Variants in USP39 observed in about 807,000 individuals in gnomAD.
The protein encoded by USP39 is ubiquitin specific peptidase 39.
USP39 carries 38 observed loss-of-function variants against 66.4 expected under a neutral mutation model. The ratio of observed to expected loss-of-function variants is 0.57; its 90% CI spans 0.44 to 0.75. The LOEUF is 0.75. Among genes scored for constraint, USP39 ranks in the 30% least tolerant of loss-of-function variants. The probability of loss-of-function intolerance (pLI) is 0.00; values close to 1 mark genes in which losing one functional copy is unlikely to be tolerated. For synonymous variants in USP39, 303 were observed against 274.6 expected (o/e 1.10, Z -1.02); for missense variants, 608 against 714.4 (o/e 0.85, Z 1.70).
intron 9 of USP39, 166 bp downstream of exon 9, chr2:85,639,557 C>A: frequency 3.3e-6 from 2 of 601,828 alleles, no homozygotes; most frequent in Non-Finnish European, 5.4e-6. Context: ...CAGTTTCAAG[C>A]GATTCTCCTG....
upstream of USP39, chr2:85,611,129 A>C: frequency 4.9e-6 from 2 of 409,366 alleles, no homozygotes; most frequent in Non-Finnish European, 7.0e-6. Flanking sequence ...GGTCCCAGGT[A>C]CTCGGGAGGC....
chr2:85,640,833 C>G (rs1676178347), intron 9 of USP39, 143 bp from the exon 10 acceptor site: 1 of 366,762 alleles, frequency 2.7e-6, no homozygotes, highest in South Asian at 2.5e-5. Flanking sequence ...AAGCCTCATA[C>G]ATAATTTCTC....
At chr2:85,609,385 A>G, upstream of USP39, 1 of 1,596,072 alleles carries the variant, frequency 6.3e-7, no homozygotes, top group Non-Finnish European at 8.5e-7. Context: ...GACAATGATT[A>G]CTACCATGGC....
In USP39 at chr2:85,639,077, A is replaced by G. The variant is rs571423262; in HGVS notation, c.1096-126A>G. Reference sequence around the variant, plus strand: ...CAGGTGGTGCATGCCAAACTGCCCAATCTCTCGGGCACTTCTCTTTGTTCT... The same window carrying G: ...CAGGTGGTGCATGCCAAACTGCCCAGTCTCTCGGGCACTTCTCTTTGTTCT... On this transcript the variant is annotated intron_variant, in intron 8 of 12. Transcript: ENST00000323701. 6.0e-4 allele frequency: 581 copies of G among 963,662 alleles called. 1 individual carries two copies. Among genetic ancestry groups the G allele is most frequent in the Non-Finnish European group, 7.9e-4 (534 of 673,036 alleles). 59.7% of individuals were successfully genotyped at this position (963,662 alleles called of 1,614,324 possible).
At chr2:85,646,142 G>A (rs1024751603) in intron 11 of USP39, 3 of 152,220 alleles carry the variant, frequency 2.0e-5, no homozygotes, top group African/African-American at 4.8e-5. Flanking sequence ...CCTCTGATTT[G>A]TAAGAAATTA....
Position 85,616,396 on chromosome 2 carries a change from C to A in USP39, c.201C>A (p.Val67=). The A allele has an allele frequency of 6.2e-7, 1 of 1,603,722 alleles. No homozygotes were observed. Among genetic ancestry groups the A allele is most frequent in the Non-Finnish European group, 8.5e-7 (1 of 1,175,124 alleles). Residue 67 remains valine, a synonymous_variant, in exon 1 of 13, where the codon GTC becomes GTA. Transcript: ENST00000323701. ...CGCGCGAGGCCCCGGCTTCTGTTGTCCCGTTTGTGCGGGTGAAGCGGGAGC... is the reference window on the plus strand; with the variant it reads ...CGCGCGAGGCCCCGGCTTCTGTTGTACCGTTTGTGCGGGTGAAGCGGGAGC... The part of the protein sequence containing the change: ...ASAREAPASV[V]PFVRVKRERE...
intron 4 of USP39, among the ~76,000 whole-genome samples, chr2:85,624,910 C>T (rs963160644): frequency 2.0e-5 from 3 of 150,996 alleles, no homozygotes; most frequent in Admixed American, 1.3e-4. Flanking sequence ...TTGCAGTGAG[C>T]CAAGATCATG....
chr2:85,639,053 A>G (rs1191876860), intron 8 of USP39, 150 bp from the exon 9 acceptor site: 11 of 686,556 alleles, frequency 1.6e-5, no homozygotes, highest in Non-Finnish European at 2.3e-5. Context: ...TAATCTAACC[A>G]GGTGGTGCAT....
chr2:85,648,820 A>G lies in USP39; in HGVS notation c.*12A>G. 1.9e-6 allele frequency: 3 copies of G among 1,614,092 alleles called. No homozygotes were observed. The highest frequency in any genetic ancestry group is 1.1e-5 in the South Asian group (1 of 91,082). ...AGCAGGGGGCTTGAAGGAGGCGTCT[A>G]GGGCTTTGCTCCCAAGGGCTGTGGC... On this transcript the variant is annotated 3_prime_UTR_variant, in exon 13 of 13. Coordinates refer to ENST00000323701, the MANE Select transcript of USP39 (RefSeq NM_006590.4).
At chr2:85,607,752 T>C (rs931285408), upstream of USP39, 11 of 152,224 alleles carry the variant, frequency 7.2e-5, no homozygotes, top group Admixed American at 1.3e-4. Context: ...AAGCCATATT[T>C]CAAGGCACTG....
intron 2 of USP39, 22 bp downstream of exon 2, chr2:85,619,311 A>G (rs1476244112): frequency 3.1e-6 from 5 of 1,609,886 alleles, no homozygotes; most frequent in Non-Finnish European, 4.2e-6. Flanking sequence ...AGAGATGCTG[A>G]GTATAGCACA....
chr2:85,621,153 C>T (rs935199374), intron 2 of USP39: 9 of 185,780 alleles, frequency 4.8e-5, no homozygotes, highest in Non-Finnish European at 9.0e-5. Context: ...TCTCCACCTC[C>T]AGAATGCTGC....
intron 11 of USP39, among the ~76,000 whole-genome samples, chr2:85,646,520 G>C (rs1676657419): frequency 6.6e-6 from 1 of 152,196 alleles, no homozygotes; most frequent in African/African-American, 2.4e-5. Context: ...ATTTGACCCA[G>C]GTACTCTGCT....
At chr2:85,631,305 C>T (rs970140000) in intron 6 of USP39, among the ~76,000 whole-genome samples, 12 of 148,628 alleles carry the variant, frequency 8.1e-5, no homozygotes, top group East Asian at 4.0e-4. Flanking sequence ...TGAGCCACTG[C>T]GCCCGGCCTT....
intron 6 of USP39, among the ~76,000 whole-genome samples, chr2:85,635,096 C>T (rs1163239659): frequency 6.6e-6 from 1 of 152,118 alleles, no homozygotes; most frequent in African/African-American, 2.4e-5. Context: ...TAGTTTGTTA[C>T]ATAAGAGCAT....
chr2:85,611,836 G>A (rs1673559252), upstream of USP39: 1 of 1,603,698 alleles, frequency 6.2e-7, no homozygotes, highest in Non-Finnish European at 8.5e-7. Flanking sequence ...GGCCAGGCCA[G>A]GCCAGGAGTG....
chr2:85,647,675 A>C (rs1233637595), intron 11 of USP39, among the ~76,000 whole-genome samples: 1 of 151,312 alleles, frequency 6.6e-6, no homozygotes, highest in Admixed American at 6.6e-5. Context: ...AAAAAAAAAC[A>C]AAAAAACAAC....
intron 1 of USP39, chr2:85,606,685 G>A (rs899902107): frequency 6.6e-6 from 1 of 152,054 alleles, no homozygotes; most frequent in South Asian, 2.1e-4. Context: ...ATAGCAAGGA[G>A]TTTCCATCAG....
chr2:85,632,754 T>C (rs1675456976), intron 6 of USP39, among the ~76,000 whole-genome samples: 1 of 151,998 alleles, frequency 6.6e-6, no homozygotes, highest in Non-Finnish European at 1.5e-5. Context: ...GGCTCAACTA[T>C]CTTTTTTAAG....
Sources: allele counts gnomAD v4.1 joint callset (sites outside exome capture counted in the v4.1 genomes callset), GRCh38; gene constraint gnomAD v4.1.1; transcripts MANE v1.5; gene names NCBI Gene and HGNC (gene_info 2026-07-23, HGNC 2026-07-21).